Variants in CHD8 observed in about 807,000 individuals in gnomAD.
CHD8 encodes the protein chromodomain helicase DNA binding protein 8, also known as ATP-dependent chromatin remodeler CHD8.
CHD8 carries 31 observed loss-of-function variants against 279.2 expected under a neutral mutation model. That is an observed-to-expected ratio of 0.11 (90% CI 0.08 to 0.15). The LOEUF (loss-of-function observed/expected upper bound fraction) is 0.15. Among genes scored for constraint, CHD8 ranks in the 10% least tolerant of loss-of-function variants. The pLI is 1.00. For synonymous variants in CHD8, 1,081 were observed against 1,139.6 expected, an observed-to-expected ratio of 0.95 and a Z score of 1.04; for missense variants, 2,146 against 3,230.5, an observed-to-expected ratio of 0.66 and a Z score of 8.14.
chr14:21,403,262 G>T lies in CHD8; in HGVS notation c.3519-50C>A. ...ATGTAAGTGGCTAAGCAGAAGTGGA[G>T]ACCAAAACAGCAGGCTAGGATCAAT... On this transcript the variant is annotated intron_variant, in intron 17 of 37. Coordinates refer to ENST00000646647, the MANE Select transcript of CHD8 (RefSeq NM_001170629.2). The surrounding 1 kb of genome is among the most constrained non-coding windows in gnomAD (Gnocchi z 4.3). The T allele has an allele frequency of 1.3e-6, 2 of 1,555,554 alleles. No homozygotes were observed. Among genetic ancestry groups the T allele is most frequent in the South Asian group, 1.1e-5 (1 of 87,422 alleles).
In CHD8 at chr14:21,431,697, G is replaced by A; in HGVS notation, c.-54C>T. The A allele has an allele frequency of 1.3e-6, 2 of 1,595,816 alleles. No homozygotes were observed. The highest frequency in any genetic ancestry group is 1.1e-5 in the South Asian group (1 of 89,334). ...CAAGGTCTAGGGAGGGAAGGGGAGGGGGGGTACTGGCTCTCCCCTCCCCTC... is the reference window on the plus strand; with the variant it reads ...CAAGGTCTAGGGAGGGAAGGGGAGGAGGGGTACTGGCTCTCCCCTCCCCTC... On this transcript the variant is annotated 5_prime_UTR_variant, in exon 2 of 38. Coordinates refer to ENST00000646647, the MANE Select transcript of CHD8 (RefSeq NM_001170629.2).
At chr14:21,432,566 T>C (rs1263855076) in intron 1 of CHD8, among the ~76,000 whole-genome samples, 1 of 152,208 alleles carries the variant, frequency 6.6e-6, no homozygotes, top group Non-Finnish European at 1.5e-5. Context: ...CTTACATATA[T>C]TTTACATTCC....
rs913721752 is a variant in CHD8 at position 21,429,021 on chromosome 14, T to G, written c.1158A>C (p.Pro386=). The part of the protein sequence containing the change: ...SSVQQAQIMG[P]GQSPGQRLSV... ...AAAGTCTTTGTCCTGGGCTTTGTCC[T>G]GGTCCCATTATCTGAGCCTGCTGTA... The change falls in exon 3 of 38, where the codon CCA becomes CCC. Residue 386 remains proline, a synonymous_variant. Coordinates refer to ENST00000646647, the MANE Select transcript of CHD8 (RefSeq NM_001170629.2). 14 of 1,613,938 alleles carry G rather than the reference T, an allele frequency of 8.7e-6. No homozygotes were observed. The highest frequency in any genetic ancestry group is 1.2e-5 in the Non-Finnish European group (14 of 1,179,904).
In CHD8 at chr14:21,423,522, T is replaced by A. The variant is rs545093061; in HGVS notation, c.1716+2606A>T. Among the ~76,000 whole-genome samples, 13 of 148,962 alleles carry A rather than the reference T, an allele frequency of 8.7e-5. 1 individual carries two copies. In the South Asian group the frequency reaches 2.4e-3, roughly 27 times the overall value. On this transcript the variant is annotated intron_variant, in intron 5 of 37. Coordinates refer to ENST00000646647, the MANE Select transcript of CHD8 (RefSeq NM_001170629.2). Reference sequence around the variant, plus strand: ...GGGATTTAGCTTCCTATCCATGAACTTTTTTTTTTGGCGGGGGGAGTCAGG... The same window carrying A: ...GGGATTTAGCTTCCTATCCATGAACATTTTTTTTTGGCGGGGGGAGTCAGG...
chr14:21,395,544 C>T (rs1275830314), intron 28 of CHD8, 192 bp from the exon 29 acceptor site: 2 of 603,176 alleles, frequency 3.3e-6, no homozygotes, highest in East Asian at 5.5e-5. Flanking sequence ...CCTGAAAGGT[C>T]AGTTCCTATT....
rs762562324 is a variant in CHD8, at chr14:21,412,946, A to G, written c.2193T>C (p.Asp731=). 1.9e-6 allele frequency: 3 copies of G among 1,611,066 alleles called. No homozygotes were observed. The South Asian group carries it at 3.3e-5, about 18-fold the overall frequency. ...TGTCCTTGTCAATACTGTGAGACTCATCCAATATCCTATCCACCTCTACGT... is the reference window on the plus strand; with the variant it reads ...TGTCCTTGTCAATACTGTGAGACTCGTCCAATATCCTATCCACCTCTACGT... ...PDYVEVDRIL[D]ESHSIDKDNG... Residue 731 remains aspartate, a synonymous_variant, in exon 10 of 38, where the codon GAT becomes GAC. Coordinates refer to ENST00000646647, the MANE Select transcript of CHD8 (RefSeq NM_001170629.2).
intron 21 of CHD8, 110 bp downstream of exon 21, chr14:21,401,292 CA>C (rs978306316): frequency 2.6e-6 from 2 of 779,900 alleles, no homozygotes; most frequent in African/African-American, 3.5e-5. Context: ...CCCTTGTATA[CA>C]ATACACCATC....
At position 21,391,825 on chromosome 14, in the gene CHD8, C is replaced by T; in HGVS notation, c.6885+8G>A. On this transcript the variant is annotated splice_region_variant and intron_variant, in intron 35 of 37. Transcript: ENST00000646647. ...ATCGTCAGGTTAAAGACTTTCTCTA[C>T]CACTCACCTCTACTAGCTTCTTTCT... 6.3e-7 allele frequency: 1 copy of T among 1,594,048 alleles called. No individual in the cohort carries two copies. The highest frequency in any genetic ancestry group is 2.2e-5 in the East Asian group (1 of 44,778).
chr14:21,436,355 G>A (rs1872977721), intron 1 of CHD8, among the ~76,000 whole-genome samples: 1 of 152,132 alleles, frequency 6.6e-6, no homozygotes, highest in South Asian at 2.1e-4. Context: ...GGGCTAAAAT[G>A]AAAATCACCA....
Position 21,429,103 on chromosome 14 carries a change from G to A in CHD8, c.1076C>T (p.Ser359Leu), listed in dbSNP as rs1889452845. ...TGGCTGCTGGGGCTGTGGCTGCGAT[G>A]ATGGTGGTTGTGGTACAATCTGGAT... ...QKIQIVPQPP[S>L]SQPQPQQPPS... Residue 359 changes from serine (S) to leucine (L), a missense_variant, in exon 3 of 38, where the codon TCA (serine) becomes TTA (leucine). Coordinates refer to ENST00000646647, the MANE Select transcript of CHD8 (RefSeq NM_001170629.2). 6.2e-7 allele frequency: 1 copy of A among 1,614,016 alleles called. No homozygotes were observed. Among genetic ancestry groups the A allele is most frequent in the Non-Finnish European group, 8.5e-7 (1 of 1,179,894 alleles).
chr14:21,440,967 C>T (rs1329951248), intron 1 of CHD8, among the ~76,000 whole-genome samples: 25 of 152,024 alleles, frequency 1.6e-4, no homozygotes, highest in Admixed American at 1.6e-3. Flanking sequence ...AGGCCCCTTC[C>T]TATATTTTCC....
rs1888068756 is a variant in CHD8 at position 21,402,245 on chromosome 14, A to G, written c.3882+91T>C. On this transcript the variant is annotated intron_variant, in intron 19 of 37. Coordinates refer to ENST00000646647, the MANE Select transcript of CHD8 (RefSeq NM_001170629.2). This position sits in a 1 kb window ranked among gnomAD's most constrained non-coding sequence, Gnocchi z 4.5. ...AGAAATAATAATTGAGAATCCAAAC[A>G]AGGTAGTCAAATCCCTGTGTACAAA... 2.0e-6 allele frequency: 3 copies of G among 1,516,380 alleles called. No homozygotes were observed. Among genetic ancestry groups the G allele is most frequent in the Non-Finnish European group, 2.7e-6 (3 of 1,099,974 alleles). 93.9% of individuals were successfully genotyped at this position (1,516,380 alleles called of 1,614,324 possible).
rs1888008718 is a variant in CHD8 at position 21,401,048 on chromosome 14, A to G, written c.4197T>C (p.Pro1399=). The part of the protein sequence containing the change: ...NSKNNLVIDT[P]RVRKQTRHFS... Reference sequence around the variant, plus strand: ...AGTGGCGCGTTTGTTTTCGTACTCTAGGTGTGTCAATTACCAAATTATTCT... The same window carrying G: ...AGTGGCGCGTTTGTTTTCGTACTCTGGGTGTGTCAATTACCAAATTATTCT... The change falls in exon 22 of 38, where the codon CCT becomes CCC. Residue 1399 remains proline (P), a synonymous_variant. Transcript: ENST00000646647. The G allele has an allele frequency of 6.2e-7, 1 of 1,610,028 alleles. No homozygotes were observed. Among genetic ancestry groups the G allele is most frequent in the Non-Finnish European group, 8.5e-7 (1 of 1,178,522 alleles).
Position 21,415,833 on chromosome 14 carries a change from T to G in CHD8, c.1791A>C (p.Glu597Asp). The G allele has an allele frequency of 6.2e-7, 1 of 1,613,738 alleles. No homozygotes were observed. Reference protein sequence around the residue: ...EDLDIKITDDEEEEEVDVTGP... With the variant: ...EDLDIKITDDDEEEEVDVTGP... ...CAGTTACATCCACCTCTTCTTCTTCTTCATCATCTGTGATCTTTATATCCA... is the reference window on the plus strand; with the variant it reads ...CAGTTACATCCACCTCTTCTTCTTCGTCATCATCTGTGATCTTTATATCCA... Residue 597 changes from glutamate (E) to aspartate (D), a missense_variant, in exon 6 of 38, where the codon GAA (glutamate) becomes GAC (aspartate). Around this residue, in one of 26 missense-constraint regions of CHD8, gnomAD observed 123 missense variants for 169.2 expected, o/e 0.73. Transcript: ENST00000646647.
At chr14:21,407,151 C>G in intron 13 of CHD8, 119 bp from the exon 14 acceptor site, 1 of 698,650 alleles carries the variant, frequency 1.4e-6, no homozygotes, top group Non-Finnish European at 2.3e-6. Context: ...GCACCACCAC[C>G]CACCTCCACC....
At position 21,405,084 on chromosome 14, in the gene CHD8, A is replaced by G. The variant is rs570145012; in HGVS notation, c.3307+125T>C. 1.2e-6 allele frequency: 1 copy of G among 839,814 alleles called. No individual in the cohort carries two copies. The highest frequency in any genetic ancestry group is 1.8e-6 in the Non-Finnish European group (1 of 544,900). 52.0% of individuals were successfully genotyped at this position (839,814 alleles called of 1,614,324 possible). On this transcript the variant is annotated intron_variant, in intron 16 of 37. Coordinates refer to ENST00000646647, the MANE Select transcript of CHD8 (RefSeq NM_001170629.2). This position sits in a 1 kb window ranked among gnomAD's most constrained non-coding sequence, Gnocchi z 4.2. ...TTAAAAGGAGAACCATTTCCCTCCC[A>G]TTCCTCAGTCCGCACCCCAAATTAG...
chr14:21,455,923 G>C (rs1434686054), intron 1 of CHD8, 109 bp downstream of exon 1: 4 of 153,842 alleles, frequency 2.6e-5, no homozygotes, highest in Non-Finnish European at 1.4e-5. Context: ...GGGCGAGCAG[G>C]GGGTGGAAGA....
chr14:21,417,283 T>C (rs897389175), intron 5 of CHD8, among the ~76,000 whole-genome samples: 141 of 152,212 alleles, frequency 9.3e-4, no homozygotes, highest in South Asian at 4.1e-4. Flanking sequence ...TACTATCCTA[T>C]AAATTTGCAT....
In CHD8 at chr14:21,394,525, A is replaced by G. The variant is rs188442867; in HGVS notation, c.5391-40T>C. The G allele has an allele frequency of 4.6e-4, 632 of 1,386,274 alleles. 2 individuals are homozygous for G. The African/African-American group carries it at 8.0e-3, about 18-fold the overall frequency. The allele number at this position is 1,386,274 out of a possible 1,614,324, so 85.9% of individuals were successfully genotyped here. On this transcript the variant is annotated intron_variant, in intron 30 of 37. Coordinates refer to ENST00000646647, the MANE Select transcript of CHD8 (RefSeq NM_001170629.2). The stretch of plus-strand genomic sequence containing the variant: ...GTAGGGCAACAATAATCAGAAGAAC[A>G]CATCAGAAGAACACAAGAAAACTGG...
Sources: allele counts gnomAD v4.1 joint callset (sites outside exome capture counted in the v4.1 genomes callset), GRCh38; gene constraint gnomAD v4.1.1; regional missense constraint gnomAD v4.1.1; non-coding constraint Gnocchi (gnomAD v3.1); transcripts MANE v1.5; gene names NCBI Gene and HGNC (gene_info 2026-07-23, HGNC 2026-07-21).